The following GRHL2 variants were observed in gnomAD, a reference collection of about 807,000 sequenced individuals.
GRHL2 encodes grainyhead like transcription factor 2, also known as grainyhead-like protein 2 homolog.
A neutral mutation model predicts 83.8 loss-of-function variants in GRHL2; 21 were observed. The ratio of observed to expected loss-of-function variants is 0.25; its 90% CI spans 0.18 to 0.36. The LOEUF (loss-of-function observed/expected upper bound fraction) is 0.36, where lower values mean the gene tolerates loss of function less well. Among genes scored for constraint, GRHL2 ranks in the 10% least tolerant of loss-of-function variants. The pLI is 1.00. For synonymous variants in GRHL2, 280 were observed against 278.9 expected, an observed-to-expected ratio of 1.00 and a Z score of -0.04; for missense variants, 623 against 781.8, an observed-to-expected ratio of 0.80 and a Z score of 2.42.
At chr8:101,582,706 C>T (rs148089150) in intron 7 of GRHL2, among the ~76,000 whole-genome samples, 7 of 152,274 alleles carry the variant, frequency 4.6e-5, no homozygotes, top group Non-Finnish European at 7.4e-5. Flanking sequence ...AGTTCCTCTG[C>T]GACCACCCAC....
At chr8:101,527,845 C>T (rs1166075664) in intron 1 of GRHL2, among the ~76,000 whole-genome samples, 1 of 152,112 alleles carries the variant, frequency 6.6e-6, no homozygotes, top group Admixed American at 6.5e-5. Context: ...TGTTCAAATC[C>T]CTTTCCTCTT....
At chr8:101,571,997 G>C (rs369741470) in intron 5 of GRHL2, among the ~76,000 whole-genome samples, 1 of 152,192 alleles carries the variant, frequency 6.6e-6, no homozygotes, top group African/African-American at 2.4e-5. Flanking sequence ...ATGTCTCTTA[G>C]CCTCTCCTTA....
intron 1 of GRHL2, among the ~76,000 whole-genome samples, chr8:101,509,073 CTGTT>C (rs1232931595): frequency 2.0e-5 from 3 of 151,474 alleles, no homozygotes; most frequent in South Asian, 4.2e-4. Flanking sequence ...CATCCCTTCC[CTGTT>C]TGTTTGTTTT....
At chr8:101,653,804 A>T (rs1272106681) in intron 14 of GRHL2, among the ~76,000 whole-genome samples, 1 of 152,130 alleles carries the variant, frequency 6.6e-6, no homozygotes, top group African/African-American at 2.4e-5. Flanking sequence ...TCAGAATCAG[A>T]TTCTATAGGG....
intron 1 of GRHL2, among the ~76,000 whole-genome samples, chr8:101,524,950 C>T (rs1427842137): frequency 6.6e-6 from 1 of 150,826 alleles, no homozygotes; most frequent in Non-Finnish European, 1.5e-5. Context: ...ATCAACATAT[C>T]TTTTTTTTTG....
chr8:101,570,134 A>G lies in GRHL2; in HGVS notation c.679-205A>G, dbSNP rs535724992. 3.9e-5 allele frequency among the ~76,000 whole-genome samples: 6 copies of G among 152,332 alleles called. No individual in the cohort carries two copies. In the East Asian group the frequency reaches 1.2e-3, roughly 29 times the overall value. ...ACACGTGAATAACATACAAAGCACAAATGTATTTTCTGTTGAGTGTAGCTC... is the reference window on the plus strand; with the variant it reads ...ACACGTGAATAACATACAAAGCACAGATGTATTTTCTGTTGAGTGTAGCTC... On this transcript the variant is annotated intron_variant, in intron 4 of 15. Coordinates refer to ENST00000646743, the MANE Select transcript of GRHL2 (RefSeq NM_024915.4).
At chr8:101,630,405 A>G (rs940612368) in intron 9 of GRHL2, among the ~76,000 whole-genome samples, 2 of 152,140 alleles carry the variant, frequency 1.3e-5, no homozygotes, top group African/African-American at 4.8e-5. Context: ...CTGTTTTTAA[A>G]ATTTGAACCA....
chr8:101,523,924 T>G (rs1810749054), intron 1 of GRHL2, among the ~76,000 whole-genome samples: 1 of 152,166 alleles, frequency 6.6e-6, no homozygotes, highest in Admixed American at 6.5e-5. Flanking sequence ...CTCACATACT[T>G]ATTGGTTTAA....
intron 1 of GRHL2, among the ~76,000 whole-genome samples, chr8:101,501,426 C>T (rs1193886766): frequency 6.6e-6 from 1 of 152,154 alleles, no homozygotes; most frequent in Non-Finnish European, 1.5e-5. Flanking sequence ...AGCCAGAGTC[C>T]CTTCTTTTTT....
intron 2 of GRHL2, 133 bp from the exon 3 acceptor site, chr8:101,552,582 G>T: frequency 2.5e-6 from 2 of 784,354 alleles, no homozygotes; most frequent in South Asian, 1.4e-5. Context: ...ATCATCTCCT[G>T]GTGATAGCAA....
At chr8:101,505,123 T>C (rs1810311584) in intron 1 of GRHL2, among the ~76,000 whole-genome samples, 1 of 152,206 alleles carries the variant, frequency 6.6e-6, no homozygotes, top group African/African-American at 2.4e-5. Context: ...GGTATACATT[T>C]TGGCCGTGTG....
At chr8:101,513,114 T>A (rs1029488421) in intron 1 of GRHL2, among the ~76,000 whole-genome samples, 4 of 152,048 alleles carry the variant, frequency 2.6e-5, no homozygotes, top group Non-Finnish European at 4.4e-5. Flanking sequence ...AATTTCCTAA[T>A]TTTTTTTGAG....
Position 101,509,872 on chromosome 8 carries a change from G to C in GRHL2, c.20+17083G>C, listed in dbSNP as rs146273748. Among the ~76,000 whole-genome samples the C allele has an allele frequency of 3.3e-3, 501 of 152,154 alleles. 3 individuals carry two copies. Among genetic ancestry groups the C allele is most frequent in the African/African-American group, 0.011 (461 of 41,524 alleles). ...GAAGCTGTAAATATAAGAATTGCTT[G>C]ATTAGGAAGTCAACCACTTGCAAGC... is the stretch of plus-strand genomic sequence containing the variant. On this transcript the variant is annotated intron_variant, in intron 1 of 15. Coordinates refer to ENST00000646743, the MANE Select transcript of GRHL2 (RefSeq NM_024915.4).
intron 9 of GRHL2, among the ~76,000 whole-genome samples, chr8:101,629,467 TG>T (rs1370248338): frequency 6.6e-6 from 1 of 152,116 alleles, no homozygotes; most frequent in Non-Finnish European, 1.5e-5. Context: ...TGTTTTTTTA[TG>T]GGGGTCTGGA....
intron 9 of GRHL2, among the ~76,000 whole-genome samples, chr8:101,621,884 A>AAAGAAAT (rs1554593344): frequency 6.6e-6 from 1 of 151,862 alleles, no homozygotes; most frequent in African/African-American, 2.4e-5. Flanking sequence ...ACCCTATCTA[A>AAAGAAAT]AAAAAATAAA....
At chr8:101,513,346 A>G (rs778241209) in intron 1 of GRHL2, among the ~76,000 whole-genome samples, 2 of 152,216 alleles carry the variant, frequency 1.3e-5, no homozygotes, top group South Asian at 4.2e-4. Context: ...GCCTCCCAGC[A>G]TTATGGTGAG....
chr8:101,594,069 CAAAAAAAAAAAA>C lies in GRHL2; in HGVS notation c.1004-4970_1004-4959del, dbSNP rs534396520. Among the ~76,000 whole-genome samples, 25 of 49,110 alleles carry C rather than the reference CAAAAAAAAAAAA, an allele frequency of 5.1e-4. 1 individual carries two copies. The Admixed American group carries it at 5.3e-3, about 10-fold the overall frequency. The allele number at this position is 49,110 out of a possible 152,430, so 32.2% of individuals were successfully genotyped here. A position where few individuals can be genotyped will look rare whatever the true frequency, so the allele number is the denominator to read the frequency against. On this transcript the variant is annotated intron_variant, in intron 7 of 15. Coordinates refer to ENST00000646743, the MANE Select transcript of GRHL2 (RefSeq NM_024915.4). ...GGACAATAAGAGTGAGAGTCTGTATCAAAAAAAAAAAAAAAAAAAAAAAAAAAAAGAGAGAGA... is the reference window on the plus strand; with the variant it reads ...GGACAATAAGAGTGAGAGTCTGTATCAAAAAAAAAAAAAAAAAGAGAGAGA...
chr8:101,514,539 A>G (rs1322965915), intron 1 of GRHL2, among the ~76,000 whole-genome samples: 1 of 152,184 alleles, frequency 6.6e-6, no homozygotes, highest in African/African-American at 2.4e-5. Flanking sequence ...TTGTGCCATC[A>G]GAGGAGTCCT....
chr8:101,675,344 G>A, the GRHL2 span, among the ~76,000 whole-genome samples: 3 of 152,000 alleles, frequency 2.0e-5, no homozygotes, highest in East Asian at 3.9e-4. Flanking sequence ...TAAAGCTGAT[G>A]AGCAACCTCA....
Sources: allele counts gnomAD v4.1 joint callset (sites outside exome capture counted in the v4.1 genomes callset), GRCh38; gene constraint gnomAD v4.1.1; transcripts MANE v1.5; gene names NCBI Gene and HGNC (gene_info 2026-07-23, HGNC 2026-07-21).